Variants in SMYD3 observed in about 807,000 individuals in gnomAD.
The protein encoded by SMYD3 is histone-lysine N-methyltransferase SMYD3.
Under a neutral mutation model 57.7 loss-of-function variants are expected in SMYD3, and 36 were observed. The ratio of observed to expected loss-of-function variants is 0.62; its 90% confidence interval spans 0.48 to 0.82. The LOEUF is 0.82. Ranked by LOEUF, SMYD3 falls within the 40% of genes least tolerant of loss-of-function variation. SMYD3 has a pLI of 0.00. For missense variants in SMYD3, 515 were observed against 538.8 expected, an observed-to-expected ratio of 0.96 and a Z score of 0.44; for synonymous variants, 211 against 195.0, an observed-to-expected ratio of 1.08 and a Z score of -0.68.
chr1:245,934,742 G>A (rs757587671), intron 5 of SMYD3, among the ~76,000 whole-genome samples: 3 of 151,992 alleles, frequency 2.0e-5, no homozygotes, highest in Non-Finnish European at 2.9e-5. Context: ...AGGTGATTTC[G>A]GCATCTGTTT....
At chr1:246,456,785 G>A (rs866300837) in intron 1 of SMYD3, among the ~76,000 whole-genome samples, 4 of 152,166 alleles carry the variant, frequency 2.6e-5, no homozygotes, top group Admixed American at 2.0e-4. Context: ...AGGAGTCATT[G>A]CAAGGTTGGA....
intron 1 of SMYD3, among the ~76,000 whole-genome samples, chr1:246,465,160 T>C (rs1193384490): frequency 1.3e-5 from 2 of 152,204 alleles, no homozygotes; most frequent in African/African-American, 4.8e-5. Flanking sequence ...GTTTTCCAGA[T>C]GCTACTATCC....
At chr1:246,493,941 T>G (rs1438368807) in intron 1 of SMYD3, among the ~76,000 whole-genome samples, 3 of 152,240 alleles carry the variant, frequency 2.0e-5, no homozygotes, top group African/African-American at 4.8e-5. Context: ...CTCCTCAACA[T>G]GTTTGGTTCC....
At chr1:246,148,175 A>G (rs2061886395) in intron 5 of SMYD3, among the ~76,000 whole-genome samples, 1 of 152,158 alleles carries the variant, frequency 6.6e-6, no homozygotes, top group African/African-American at 2.4e-5. Flanking sequence ...ATGGAGGACC[A>G]TGGGCCAATC....
chr1:245,966,681 G>A (rs183746262), intron 5 of SMYD3, among the ~76,000 whole-genome samples: 2 of 152,192 alleles, frequency 1.3e-5, no homozygotes, highest in Admixed American at 1.3e-4. Flanking sequence ...TGGCCCTTGG[G>A]AAGACAGGCT....
chr1:245,896,031 C>T (rs2053757406), intron 8 of SMYD3, among the ~76,000 whole-genome samples: 1 of 152,192 alleles, frequency 6.6e-6, no homozygotes, highest in African/African-American at 2.4e-5. Flanking sequence ...CTCCCCACTA[C>T]AGAACCATTT....
intron 5 of SMYD3, among the ~76,000 whole-genome samples, chr1:246,221,897 CAT>C (rs2063261203): frequency 1.3e-5 from 2 of 152,180 alleles, no homozygotes; most frequent in African/African-American, 4.8e-5. Context: ...CCACCAGTCA[CAT>C]GTTTCCGGCC....
intron 10 of SMYD3, among the ~76,000 whole-genome samples, chr1:245,836,084 C>T (rs1044868463): frequency 3.3e-5 from 5 of 152,172 alleles, no homozygotes; most frequent in Admixed American, 2.0e-4. Flanking sequence ...CCCTCATAGA[C>T]GTCTCCAAGA....
At chr1:246,099,778 C>T (rs530105732) in intron 5 of SMYD3, among the ~76,000 whole-genome samples, 1 of 152,208 alleles carries the variant, frequency 6.6e-6, no homozygotes, top group African/African-American at 2.4e-5. Context: ...TTTCCAATTC[C>T]AATTAACTGG....
At chr1:245,862,163 C>T (rs1043552268) in intron 9 of SMYD3, among the ~76,000 whole-genome samples, 3 of 152,104 alleles carry the variant, frequency 2.0e-5, no homozygotes, top group African/African-American at 4.8e-5. Context: ...ATTTCAGTTC[C>T]ACCCCTCAAA....
rs551651230 is a variant in SMYD3 at position 245,804,121 on chromosome 1, C to A, written c.1077-39972G>T. ...AGAGACAGGGTTTCAACATATTGGC[C>A]AGGCTGGTCTTGAACTCCTGTCCTT... On this transcript the variant is annotated intron_variant, in intron 10 of 11. Transcript: ENST00000490107. 6.6e-5 allele frequency among the ~76,000 whole-genome samples: 10 copies of A among 152,086 alleles called. No individual in the cohort carries two copies. In the South Asian group the frequency reaches 1.9e-3, roughly 29 times the overall value.
intron 10 of SMYD3, among the ~76,000 whole-genome samples, chr1:245,786,331 G>C (rs2817480): frequency 0.22 from 32,888 of 151,700 alleles, 4,262 homozygotes; most frequent in African/African-American, 0.35. Flanking sequence ...AGTAAGTATG[G>C]CATCTTTATA....
At chr1:245,753,125 G>A (rs747233568) in intron 11 of SMYD3, among the ~76,000 whole-genome samples, 1 of 152,156 alleles carries the variant, frequency 6.6e-6, no homozygotes, top group African/African-American at 2.4e-5. Context: ...AGGGGAACAG[G>A]GGCAACCCTC....
At chr1:245,880,265 C>A (rs12040825) in intron 8 of SMYD3, among the ~76,000 whole-genome samples, 90,837 of 152,092 alleles carry the variant, frequency 0.6, 30,168 homozygotes, top group Non-Finnish European at 0.77. Context: ...ATATTATTAA[C>A]ACCATATTGT....
Position 246,202,285 on chromosome 1 carries a change from T to C in SMYD3, c.531+124916A>G, listed in dbSNP as rs1018077549. Reference sequence around the variant, plus strand: ...AAACACTGCCTTAAAAATCCATTTTTCTCATAAATAAATTTGAACACATTT... The same window carrying C: ...AAACACTGCCTTAAAAATCCATTTTCCTCATAAATAAATTTGAACACATTT... On this transcript the variant is annotated intron_variant, in intron 5 of 11. Coordinates refer to ENST00000490107, the MANE Select transcript of SMYD3 (RefSeq NM_001167740.2). This position sits in a 1 kb window ranked among gnomAD's most constrained non-coding sequence, Gnocchi z 4.1. Among the ~76,000 whole-genome samples the C allele has an allele frequency of 1.5e-4, 23 of 152,222 alleles. No individual in the cohort carries two copies. The highest frequency in any genetic ancestry group is 5.1e-4 in the African/African-American group (21 of 41,452).
chr1:245,963,567 G>A (rs115109507), intron 5 of SMYD3, among the ~76,000 whole-genome samples: 9 of 151,644 alleles, frequency 5.9e-5, no homozygotes, highest in Non-Finnish European at 8.8e-5. Context: ...GCAGGGCCTC[G>A]CAGTGAGTAT....
intron 5 of SMYD3, among the ~76,000 whole-genome samples, chr1:246,082,132 AAAACT>A (rs1355221542): frequency 6.6e-6 from 1 of 152,160 alleles, no homozygotes; most frequent in African/African-American, 2.4e-5. Context: ...GTCCCTCCCT[AAAACT>A]AAACCCCTCT....
intron 1 of SMYD3, among the ~76,000 whole-genome samples, chr1:246,431,477 C>A (rs938926455): frequency 2.0e-5 from 3 of 152,174 alleles, no homozygotes; most frequent in African/African-American, 7.2e-5. Context: ...CACCTGTAGT[C>A]CCAGCACTTT....
chr1:246,211,100 T>C (rs2063079294), intron 5 of SMYD3, among the ~76,000 whole-genome samples: 1 of 152,094 alleles, frequency 6.6e-6, no homozygotes, highest in Admixed American at 6.5e-5. Context: ...AACATGTTTG[T>C]TAATTTTTCT....
Sources: gnomAD v4.1 joint callset for allele counts (sites outside exome capture counted in the v4.1 genomes callset) on GRCh38, gnomAD v4.1.1 for gene constraint, Gnocchi (gnomAD v3.1) non-coding constraint, MANE v1.5 for transcripts, NCBI Gene and HGNC (gene_info 2026-07-23, HGNC 2026-07-21) for gene names.